Variants in ABR observed in about 807,000 individuals in gnomAD.
ABR encodes active breakpoint cluster region-related protein.
In ABR, 35 loss-of-function variants were observed where a neutral mutation model predicts 107.2. The observed-to-expected ratio is 0.33, with a 90% CI of 0.25 to 0.43. The LOEUF is 0.43. Ranked by LOEUF, ABR falls within the 20% of genes least tolerant of loss-of-function variation. The pLI is 1.00. For missense variants in ABR, 815 were observed against 1,115.2 expected (o/e 0.73, Z 3.83); for synonymous variants, 498 against 462.0 (o/e 1.08, Z -1.00).
intron 1 of ABR, among the ~76,000 whole-genome samples, chr17:1,175,948 G>A (rs561733230): frequency 4.6e-5 from 7 of 152,266 alleles, no homozygotes; most frequent in East Asian, 1.9e-4. Flanking sequence ...AAAATTAGCC[G>A]GGCGTGGTGG....
intron 3 of ABR, among the ~76,000 whole-genome samples, chr17:1,094,336 G>A (rs148489465): frequency 4.6e-5 from 7 of 151,818 alleles, no homozygotes; most frequent in East Asian, 1.9e-4. Flanking sequence ...TGGCATTCCC[G>A]TCAGTGCGTA....
chr17:1,174,102 TC>T (rs375562446), intron 1 of ABR, among the ~76,000 whole-genome samples: 1 of 152,126 alleles, frequency 6.6e-6, no homozygotes, highest in African/African-American at 2.4e-5. Flanking sequence ...TCCCCGCCAT[TC>T]CCCATCTTCC....
At position 1,217,237 on chromosome 17, in the gene ABR, C is replaced by T. The variant is rs552039662; in HGVS notation, c.838+11556G>A. On this transcript the variant is annotated intron_variant, in intron 1 of 22. Coordinates refer to the ABR transcript ENST00000574139. The stretch of plus-strand genomic sequence containing the variant: ...CCAGAGCACAGTGCGGCCGCCTCAC[C>T]GTCCCCCCCAAGGCTGCAGCCGTGA... Among the ~76,000 whole-genome samples the T allele has an allele frequency of 1.1e-3, 174 of 152,304 alleles. 1 individual carries two copies. The highest frequency in any genetic ancestry group is 9.0e-3 in the Admixed American group (138 of 15,290).
At chr17:1,223,979 TC>T (rs1276678224) in intron 1 of ABR, among the ~76,000 whole-genome samples, 2 of 152,118 alleles carry the variant, frequency 1.3e-5, no homozygotes, top group Non-Finnish European at 2.9e-5. Flanking sequence ...AGTGCCTGTC[TC>T]CCGAAGGTGC....
intron 2 of ABR, among the ~76,000 whole-genome samples, chr17:1,124,813 C>T (rs112924283): frequency 6.6e-5 from 10 of 152,294 alleles, no homozygotes; most frequent in South Asian, 2.1e-4. Flanking sequence ...CCACGGGCCA[C>T]GCATGCAGCC....
chr17:1,165,862 C>G (rs1291227917), intron 1 of ABR, among the ~76,000 whole-genome samples: 1 of 152,166 alleles, frequency 6.6e-6, no homozygotes, highest in Non-Finnish European at 1.5e-5. Flanking sequence ...GTGAGAGCAG[C>G]CTTGAGGGTG....
intron 1 of ABR, among the ~76,000 whole-genome samples, chr17:1,206,705 C>G (rs758772111): frequency 7.9e-5 from 12 of 151,904 alleles, no homozygotes; most frequent in Non-Finnish European, 1.3e-4. Flanking sequence ...CTGAGTTGGT[C>G]TGCAAACCAG....
chr17:1,205,197 C>T (rs1176349271), intron 1 of ABR, among the ~76,000 whole-genome samples: 1 of 152,142 alleles, frequency 6.6e-6, no homozygotes, highest in Non-Finnish European at 1.5e-5. Flanking sequence ...CCACCATACC[C>T]GGTTTTATCC....
At chr17:1,101,506 G>A (rs2037863918) in intron 2 of ABR, among the ~76,000 whole-genome samples, 1 of 152,100 alleles carries the variant, frequency 6.6e-6, no homozygotes, top group South Asian at 2.1e-4. Context: ...CACCAGAGCT[G>A]GATTCAACTC....
intron 1 of ABR, among the ~76,000 whole-genome samples, chr17:1,134,249 C>T (rs553571405): frequency 7.9e-5 from 12 of 152,022 alleles, no homozygotes; most frequent in Admixed American, 7.9e-4. Context: ...CCCGTCTGTA[C>T]TAAAAATACA....
intron 1 of ABR, among the ~76,000 whole-genome samples, chr17:1,147,437 T>C (rs2040602523): frequency 1.3e-5 from 2 of 151,642 alleles, no homozygotes; most frequent in Non-Finnish European, 2.9e-5. Context: ...CTTGGCTCAC[T>C]GCAACCTCTG....
intron 1 of ABR, among the ~76,000 whole-genome samples, chr17:1,193,991 C>T (rs150265351): frequency 2.0e-3 from 304 of 152,176 alleles, no homozygotes; most frequent in Admixed American, 4.5e-3. Context: ...CCGCGCCTGG[C>T]CACTGCAGCT....
intron 2 of ABR, among the ~76,000 whole-genome samples, chr17:1,112,221 G>A (rs945370418): frequency 2.0e-5 from 3 of 152,234 alleles, no homozygotes; most frequent in South Asian, 2.1e-4. Flanking sequence ...GCTGGGAGAC[G>A]GGGCCCTTGC....
At chr17:1,030,874 G>T (rs1245276683) in intron 16 of ABR, among the ~76,000 whole-genome samples, 1 of 152,236 alleles carries the variant, frequency 6.6e-6, no homozygotes, top group Non-Finnish European at 1.5e-5. Context: ...GAGTTATCGA[G>T]CACTTCCTGT....
intron 1 of ABR, among the ~76,000 whole-genome samples, chr17:1,214,864 G>A (rs1041643262): frequency 2.0e-5 from 3 of 151,752 alleles, no homozygotes; most frequent in Non-Finnish European, 2.9e-5. Context: ...CAGCTATCTC[G>A]GTGTATATAA....
rs2032344240 is a variant in ABR at position 1,050,475 on chromosome 17, C to T, written c.1659+62G>A. ...CAACCAATGGGCTGGCCGTCCCCAGCAGACAAGCCACGAGCACGGGGTGGT... is the reference window on the plus strand; with the variant it reads ...CAACCAATGGGCTGGCCGTCCCCAGTAGACAAGCCACGAGCACGGGGTGGT... On this transcript the variant is annotated intron_variant, in intron 15 of 22. Coordinates refer to ENST00000302538, the MANE Select transcript of ABR (RefSeq NM_021962.5). The surrounding 1 kb of genome is among the most constrained non-coding windows in gnomAD (Gnocchi z 4.6). 7 of 1,472,328 alleles carry T rather than the reference C, an allele frequency of 4.8e-6. No homozygotes were observed. The highest frequency in any genetic ancestry group is 5.7e-6 in the Non-Finnish European group (6 of 1,051,762). 91.2% of individuals were successfully genotyped at this position (1,472,328 alleles called of 1,614,324 possible). A position where few individuals can be genotyped will look rare whatever the true frequency, so the allele number is the denominator to read the frequency against.
intron 16 of ABR, among the ~76,000 whole-genome samples, chr17:1,040,771 C>A (rs1348577352): frequency 6.6e-6 from 1 of 152,212 alleles, no homozygotes; most frequent in African/African-American, 2.4e-5. Flanking sequence ...CCTCTTACAG[C>A]CCATCTGACA....
At chr17:1,061,886 G>C (rs532324991) in intron 10 of ABR, among the ~76,000 whole-genome samples, 1 of 152,174 alleles carries the variant, frequency 6.6e-6, no homozygotes, top group African/African-American at 2.4e-5. Flanking sequence ...TGAGGAACAT[G>C]GAACAGAAGA....
intron 6 of ABR, among the ~76,000 whole-genome samples, chr17:1,075,985 T>C (rs1374021008): frequency 1.3e-5 from 2 of 152,230 alleles, no homozygotes; most frequent in African/African-American, 4.8e-5. Flanking sequence ...GAGGTTGCAG[T>C]GAGCTGAGAT....
Sources: gnomAD v4.1 joint callset for allele counts (sites outside exome capture counted in the v4.1 genomes callset) on GRCh38, gnomAD v4.1.1 for gene constraint, Gnocchi (gnomAD v3.1) non-coding constraint, MANE v1.5 for transcripts, NCBI Gene and HGNC (gene_info 2026-07-23, HGNC 2026-07-21) for gene names.